Variants in DCAF10 observed in about 807,000 individuals in gnomAD.
DCAF10 encodes DDB1 and CUL4 associated factor 10.
A neutral mutation model predicts 51.9 loss-of-function variants in DCAF10; 19 were observed. That is an observed-to-expected ratio of 0.37 (90% CI 0.26 to 0.54). The LOEUF (loss-of-function observed/expected upper bound fraction) is 0.54, where lower values mean the gene tolerates loss of function less well. Among genes scored for constraint, DCAF10 ranks in the 20% least tolerant of loss-of-function variants. The pLI is 0.87. For missense variants in DCAF10, 510 were observed against 730.6 expected (o/e 0.70, Z 3.48); for synonymous variants, 291 against 297.1 (o/e 0.98, Z 0.21).
At chr9:37,816,888 T>G (rs1367662876) in intron 1 of DCAF10, among the ~76,000 whole-genome samples, 1 of 152,176 alleles carries the variant, frequency 6.6e-6, no homozygotes, top group Non-Finnish European at 1.5e-5. Flanking sequence ...TCAACAAAAT[T>G]TTTTAACAGA....
intron 3 of DCAF10, among the ~76,000 whole-genome samples, chr9:37,850,308 T>C (rs1455290870): frequency 2.0e-5 from 3 of 152,290 alleles, no homozygotes; most frequent in Admixed American, 6.5e-5. Flanking sequence ...TAAATCACTA[T>C]GTCAAAAAGA....
chr9:37,856,552 T>C (rs1348173225), intron 4 of DCAF10, among the ~76,000 whole-genome samples: 1 of 152,200 alleles, frequency 6.6e-6, no homozygotes, highest in Non-Finnish European at 1.5e-5. Flanking sequence ...TAGCAAAATG[T>C]GATGATGAAA....
At chr9:37,848,602 A>C (rs6476662) in intron 3 of DCAF10, among the ~76,000 whole-genome samples, 1,933 of 152,264 alleles carry the variant, frequency 0.013, 42 homozygotes, top group African/African-American at 0.044. Context: ...GGCAGGAGGA[A>C]TCTCTTAAGG....
At chr9:37,821,305 T>C (rs1829694966) in intron 2 of DCAF10, among the ~76,000 whole-genome samples, 1 of 152,214 alleles carries the variant, frequency 6.6e-6, no homozygotes, top group Admixed American at 6.5e-5. Flanking sequence ...TAACTTTTGC[T>C]TTTAACTTTA....
intron 1 of DCAF10, among the ~76,000 whole-genome samples, chr9:37,816,659 G>GGGGGGGGGTGTGTGTGTGTGTGTGT (rs372664140): frequency 6.2e-5 from 9 of 144,884 alleles, no homozygotes; most frequent in Admixed American, 4.9e-4. Context: ...CTGCACCTGG[G>GGGGGGGGGTGTGTGTGTGTGTGTGT]GTGTGTGTGT....
intron 3 of DCAF10, among the ~76,000 whole-genome samples, chr9:37,850,843 TATATATATATATATATATATA>T (rs1485783325): frequency 2.8e-4 from 8 of 28,358 alleles, no homozygotes; most frequent in African/African-American, 1.4e-3. Flanking sequence ...TATATATATA[TATATATATATATATATATATA>T]TATATATATA....
intron 1 of DCAF10, 52 bp from the exon 2 acceptor site, chr9:37,819,236 A>C: frequency 7.1e-7 from 1 of 1,409,354 alleles, no homozygotes. Flanking sequence ...GAACATCAAT[A>C]ACCAGCGAAT....
chr9:37,801,365 A>G lies in DCAF10; in HGVS notation c.499A>G (p.Thr167Ala), dbSNP rs777534271. The G allele has an allele frequency of 1.3e-6, 2 of 1,551,136 alleles. No homozygotes were observed. Among genetic ancestry groups the G allele is most frequent in the East Asian group, 2.6e-5 (1 of 38,734 alleles). ...PADSVYLSTR[T>A]HGAVFNLEYS... ...GGACTCGGTGTACCTCAGCACCCGC[A>G]CCCACGGCGCCGTCTTCAACCTCGA... Residue 167 changes from threonine (T) to alanine (A), a missense_variant, in exon 1 of 7, where the codon ACC (threonine) becomes GCC (alanine). Around this residue, in one of 4 missense-constraint regions of DCAF10, gnomAD observed 126 missense variants for 271.5 expected, o/e 0.46. Coordinates refer to ENST00000377724, the MANE Select transcript of DCAF10 (RefSeq NM_024345.5). The surrounding 1 kb of genome is among the most constrained non-coding windows in gnomAD (Gnocchi z 5.5).
intron 2 of DCAF10, among the ~76,000 whole-genome samples, chr9:37,824,867 T>C (rs1411132376): frequency 2.6e-5 from 4 of 151,936 alleles, no homozygotes; most frequent in Non-Finnish European, 5.9e-5. Context: ...AAAGGAAAAG[T>C]CTACCAAGAA....
chr9:37,801,041 G>A lies in DCAF10; in HGVS notation c.175G>A (p.Ala59Thr), dbSNP rs781746797. ...PPARSPRRPG[A>T]PSLSPAPRSG... ...CGCCCGAAGCCCTCGCCGCCCCGGC[G>A]CCCCATCGCTGTCCCCGGCCCCGCG... The change falls in exon 1 of 7, where the codon GCC becomes ACC. Residue 59 changes from alanine (A) to threonine (T), a missense_variant. Transcript: ENST00000377724. The surrounding 1 kb of genome is among the most constrained non-coding windows in gnomAD (Gnocchi z 5.5). 15 of 1,537,228 alleles carry A rather than the reference G, an allele frequency of 9.8e-6. No homozygotes were observed. The highest frequency in any genetic ancestry group is 1.3e-5 in the Non-Finnish European group (15 of 1,151,386).
chr9:37,835,297 G>A (rs928945659), intron 2 of DCAF10, among the ~76,000 whole-genome samples: 5 of 152,026 alleles, frequency 3.3e-5, no homozygotes, highest in Non-Finnish European at 5.9e-5. Context: ...AATTAGCTGG[G>A]GCCGGGTGTG....
intron 2 of DCAF10, 105 bp downstream of exon 2, chr9:37,819,506 A>G: frequency 4.4e-6 from 3 of 685,126 alleles, no homozygotes; most frequent in Non-Finnish European, 7.3e-6. Context: ...CAGCACTGCT[A>G]GATGATCCAC....
In DCAF10 at chr9:37,800,798, G is replaced by T. The variant is rs1037695603; in HGVS notation, c.-69G>T. 16 of 1,512,248 alleles carry T rather than the reference G, an allele frequency of 1.1e-5. No individual in the cohort carries two copies. Among genetic ancestry groups the T allele is most frequent in the Non-Finnish European group, 1.4e-5 (16 of 1,135,072 alleles). 93.7% of individuals were successfully genotyped at this position (1,512,248 alleles called of 1,614,324 possible). A position where few individuals can be genotyped will look rare whatever the true frequency, so the allele number is the denominator to read the frequency against. ...AGGCCGCTGCACGCCGGAAGTGGCA[G>T]CTGAACAGGGGCACTGAGGTGTCGG... On this transcript the variant is annotated 5_prime_UTR_variant, in exon 1 of 7. Transcript: ENST00000377724.
In DCAF10 at chr9:37,861,492, A is replaced by G; in HGVS notation, c.1664A>G (p.Tyr555Cys). The G allele has an allele frequency of 6.2e-7, 1 of 1,608,088 alleles. No homozygotes were observed. Among genetic ancestry groups the G allele is most frequent in the Non-Finnish European group, 8.5e-7 (1 of 1,174,896 alleles). The change falls in exon 7 of 7, where the codon TAT (tyrosine) becomes TGT (cysteine). Residue 555 changes from tyrosine (Y) to cysteine (C), a missense_variant. By Grantham distance (194) the Tyr-to-Cys change is radical (BLOSUM62 -2). Around this residue, in one of 4 missense-constraint regions of DCAF10, gnomAD observed 104 missense variants for 206.2 expected, o/e 0.50. Coordinates refer to ENST00000377724, the MANE Select transcript of DCAF10 (RefSeq NM_024345.5). The surrounding 1 kb of genome is among the most constrained non-coding windows in gnomAD (Gnocchi z 4.9). ...SGCLSGRVSLYQPKF is the reference protein window; with the variant it reads ...SGCLSGRVSLCQPKF ...TGCCTTAGTGGACGGGTTTCTTTGTATCAGCCAAAGTTTTAGGCACAACTT... is the reference window on the plus strand; with the variant it reads ...TGCCTTAGTGGACGGGTTTCTTTGTGTCAGCCAAAGTTTTAGGCACAACTT...
Position 37,801,498 on chromosome 9 carries a change from C to A in DCAF10, c.539+93C>A. ...CTGGGCTCGCTCCCCGCGCCCGGGC[C>A]GAGGTTAGCGAGGCCGTTTGGGGCC... On this transcript the variant is annotated intron_variant, in intron 1 of 6. Coordinates refer to ENST00000377724, the MANE Select transcript of DCAF10 (RefSeq NM_024345.5). This position sits in a 1 kb window ranked among gnomAD's most constrained non-coding sequence, Gnocchi z 5.5. 1 of 1,315,138 alleles carries A rather than the reference C, an allele frequency of 7.6e-7. No individual in the cohort carries two copies. Among genetic ancestry groups the A allele is most frequent in the South Asian group, 2.1e-5 (1 of 48,386 alleles). 81.5% of individuals were successfully genotyped at this position (1,315,138 alleles called of 1,614,324 possible).
chr9:37,838,558 AAATTGT>A (rs1445856753), intron 2 of DCAF10, among the ~76,000 whole-genome samples: 2 of 152,134 alleles, frequency 1.3e-5, no homozygotes, highest in African/African-American at 4.8e-5. Context: ...TAGTAGTAAA[AAATTGT>A]AAGCAATCCA....
Position 37,863,665 on chromosome 9 carries a change from C to T in DCAF10, c.*2157C>T, listed in dbSNP as rs1419205910. The T allele has an allele frequency of 6.6e-6, 1 of 152,204 alleles. No homozygotes were observed. Among genetic ancestry groups the T allele is most frequent in the Admixed American group, 6.5e-5 (1 of 15,284 alleles). The allele number at this position is 152,204 out of a possible 1,614,324, so 9.4% of individuals were successfully genotyped here. On this transcript the variant is annotated 3_prime_UTR_variant, in exon 7 of 7. Coordinates refer to ENST00000377724, the MANE Select transcript of DCAF10 (RefSeq NM_024345.5). Reference sequence around the variant, plus strand: ...TTGTATTATTGTAAATACCCTTAAACTGGCCAATAGATTTTAGAAAGGCAG... The same window carrying T: ...TTGTATTATTGTAAATACCCTTAAATTGGCCAATAGATTTTAGAAAGGCAG...
At chr9:37,859,962 G>A in intron 5 of DCAF10, 86 bp from the exon 6 acceptor site, 1 of 1,504,768 alleles carries the variant, frequency 6.6e-7, no homozygotes, top group East Asian at 2.3e-5. Flanking sequence ...GGCATGGGAG[G>A]TGGCTGCCAG....
intron 1 of DCAF10, among the ~76,000 whole-genome samples, chr9:37,816,634 A>G (rs1478917454): frequency 7.0e-6 from 1 of 143,164 alleles, no homozygotes; most frequent in East Asian, 2.0e-4. Context: ...GATTTAATAT[A>G]ATCTCAATTA....
Sources: gnomAD v4.1 joint callset for allele counts (sites outside exome capture counted in the v4.1 genomes callset) on GRCh38, gnomAD v4.1.1 for gene constraint, gnomAD v4.1.1 regional missense constraint, Gnocchi (gnomAD v3.1) non-coding constraint, MANE v1.5 for transcripts, NCBI Gene and HGNC (gene_info 2026-07-23, HGNC 2026-07-21) for gene names.